ADAMTSL3: variants seen among roughly 807,000 people sequenced by gnomAD.
The protein encoded by ADAMTSL3 is ADAMTS-like protein 3.
Under a neutral mutation model 201.7 loss-of-function variants are expected in ADAMTSL3, and 128 were observed. The observed-to-expected ratio is 0.63, with a 90% CI of 0.55 to 0.73. ADAMTSL3 has a LOEUF of 0.73. Ranked by LOEUF, ADAMTSL3 falls within the 30% of genes least tolerant of loss-of-function variation. The probability of loss-of-function intolerance (pLI) is 0.00; values close to 1 mark genes in which losing one functional copy is unlikely to be tolerated. For synonymous variants in ADAMTSL3, 738 were observed against 748.4 expected (o/e 0.99, Z 0.23); for missense variants, 1,990 against 2,119.6 (o/e 0.94, Z 1.20).
In ADAMTSL3 at chr15:83,704,416, T is replaced by A. The variant is rs1734276819; in HGVS notation, c.97T>A (p.Tyr33Asn). The A allele has an allele frequency of 6.2e-7, 1 of 1,614,198 alleles. No individual in the cohort carries two copies. The highest frequency in any genetic ancestry group is 1.7e-5 in the Admixed American group (1 of 60,028). The part of the protein sequence containing the change: ...QTTAEKSPGA[Y>N]FLPEFALSPQ... The stretch of plus-strand genomic sequence containing the variant: ...CACAGCTGAGAAATCTCCTGGAGCC[T>A]ATTTCCTTCCCGAGTTTGCACTTTC... The change falls in exon 3 of 30, where the codon TAT becomes AAT. Residue 33 changes from tyrosine to asparagine, a missense_variant. Physicochemically the swap from Tyr to Asn is moderately radical, Grantham distance 143 (BLOSUM62 -2). Coordinates refer to ENST00000286744, the MANE Select transcript of ADAMTSL3 (RefSeq NM_207517.3).
chr15:83,892,398 C>T (rs1398494040), intron 12 of ADAMTSL3, among the ~76,000 whole-genome samples: 1 of 151,276 alleles, frequency 6.6e-6, no homozygotes, highest in African/African-American at 2.4e-5. Flanking sequence ...GGCGTGGTGG[C>T]GCATGCCTGT....
intron 8 of ADAMTSL3, among the ~76,000 whole-genome samples, chr15:83,868,841 A>G (rs907495777): frequency 9.9e-5 from 15 of 152,216 alleles, no homozygotes; most frequent in African/African-American, 3.6e-4. Context: ...AATAGTGGCT[A>G]GATTCTGTAT....
intron 2 of ADAMTSL3, among the ~76,000 whole-genome samples, chr15:83,677,474 T>A (rs1045361591): frequency 5.3e-5 from 8 of 152,174 alleles, no homozygotes; most frequent in Non-Finnish European, 1.0e-4. Flanking sequence ...GCATACACAT[T>A]TAGAATTCCT....
intron 9 of ADAMTSL3, among the ~76,000 whole-genome samples, chr15:83,878,073 A>G (rs1189254134): frequency 2.0e-5 from 3 of 152,136 alleles, no homozygotes; most frequent in African/African-American, 7.2e-5. Flanking sequence ...TCACCATTGT[A>G]TATGATGTTT....
chr15:83,830,188 C>G (rs1028091997), intron 6 of ADAMTSL3, among the ~76,000 whole-genome samples: 37 of 152,050 alleles, frequency 2.4e-4, no homozygotes, highest in Admixed American at 2.4e-3. Context: ...GCTGGGCGTG[C>G]CTGTCAATCT....
rs762071401 is a variant in ADAMTSL3, at chr15:83,942,888, C to A, written c.2311-15C>A. On this transcript the variant is annotated splice_polypyrimidine_tract_variant and intron_variant, in intron 18 of 29. Coordinates refer to ENST00000286744, the MANE Select transcript of ADAMTSL3 (RefSeq NM_207517.3). Reference sequence around the variant, plus strand: ...TGGGCCAAGCCTGCCGCCTCACCCCCTCTTGTCTTCTTAGTGTTCCAGGAC... The same window carrying A: ...TGGGCCAAGCCTGCCGCCTCACCCCATCTTGTCTTCTTAGTGTTCCAGGAC... 4 of 1,609,694 alleles carry A rather than the reference C, an allele frequency of 2.5e-6. No homozygotes were observed. The highest frequency in any genetic ancestry group is 1.1e-5 in the South Asian group (1 of 90,038).
In ADAMTSL3 at chr15:83,858,121, A is replaced by G. The variant is rs550133800; in HGVS notation, c.728-645A>G. Among the ~76,000 whole-genome samples the G allele has an allele frequency of 3.3e-5, 5 of 152,338 alleles. 1 individual carries two copies. The South Asian group carries it at 1.0e-3, about 32-fold the overall frequency. On this transcript the variant is annotated intron_variant, in intron 7 of 29. Transcript: ENST00000286744. ...AGCCTTATTGAGCCATATGGTCTTC[A>G]TTACTACAACTCAATTCTACCTTGA...
intron 3 of ADAMTSL3, among the ~76,000 whole-genome samples, chr15:83,716,346 C>A (rs77516963): frequency 8.0e-5 from 2 of 24,872 alleles, no homozygotes; most frequent in Admixed American, 2.6e-4. Context: ...CTACTAAAAA[C>A]ACACACACAC....
chr15:84,026,040 TG>T (rs2068299412), intron 27 of ADAMTSL3, among the ~76,000 whole-genome samples: 1 of 152,152 alleles, frequency 6.6e-6, no homozygotes, highest in Admixed American at 6.5e-5. Flanking sequence ...GGCATTCACA[TG>T]GGAGATAATA....
At chr15:83,730,231 A>G (rs887307512) in intron 3 of ADAMTSL3, among the ~76,000 whole-genome samples, 1 of 152,144 alleles carries the variant, frequency 6.6e-6, no homozygotes, top group Non-Finnish European at 1.5e-5. Flanking sequence ...CTGATGCTTA[A>G]GAAGAAACAT....
intron 2 of ADAMTSL3, among the ~76,000 whole-genome samples, chr15:83,698,177 A>G (rs936577286): frequency 6.6e-6 from 1 of 152,160 alleles, no homozygotes; most frequent in African/African-American, 2.4e-5. Context: ...GGCCACATAT[A>G]TATTTCTATT....
At chr15:83,671,805 G>C (rs1443519280) in intron 2 of ADAMTSL3, among the ~76,000 whole-genome samples, 1 of 152,150 alleles carries the variant, frequency 6.6e-6, no homozygotes, top group African/African-American at 2.4e-5. Context: ...GTCCTTAGGA[G>C]CTCTGCCAAC....
chr15:83,768,057 G>GA (rs1369099895), intron 3 of ADAMTSL3, among the ~76,000 whole-genome samples: 2 of 152,172 alleles, frequency 1.3e-5, no homozygotes, highest in Non-Finnish European at 2.9e-5. Flanking sequence ...CCAACAAGAG[G>GA]AAATTCAGTA....
intron 16 of ADAMTSL3, among the ~76,000 whole-genome samples, chr15:83,923,643 A>T (rs551875066): frequency 1.7e-4 from 26 of 152,312 alleles, no homozygotes; most frequent in African/African-American, 6.0e-4. Flanking sequence ...GATGCTCTTG[A>T]ATGTTTCAAG....
intron 3 of ADAMTSL3, among the ~76,000 whole-genome samples, chr15:83,712,249 T>C (rs2061943752): frequency 6.6e-6 from 1 of 152,236 alleles, no homozygotes; most frequent in South Asian, 2.1e-4. Context: ...TCCTGTTTTA[T>C]CCTTTGTTTA....
chr15:83,903,918 AAAAAAAAAAAAAAAAAAAAAAAAAAAG>A (rs1413843221), intron 15 of ADAMTSL3, among the ~76,000 whole-genome samples: 1,060 of 12,208 alleles, frequency 0.087, 80 homozygotes, highest in South Asian at 0.2. Flanking sequence ...ACTCCACATC[AAAAAAAAAAAAAAAAAAAAAAAAAAAG>A]AAAAAAGAAA....
At chr15:83,698,289 T>G (rs953564471) in intron 2 of ADAMTSL3, among the ~76,000 whole-genome samples, 3 of 114,548 alleles carry the variant, frequency 2.6e-5, no homozygotes, top group Non-Finnish European at 5.9e-5. Context: ...TCAACTCTTG[T>G]CCTTGACTAG....
chr15:83,821,121 G>C (rs1487506891), intron 6 of ADAMTSL3, among the ~76,000 whole-genome samples: 1 of 152,018 alleles, frequency 6.6e-6, no homozygotes, highest in Non-Finnish European at 1.5e-5. Flanking sequence ...TGTGAGACAG[G>C]GATGGCAGGG....
At chr15:84,033,724 C>T (rs990146222) in intron 28 of ADAMTSL3, among the ~76,000 whole-genome samples, 1 of 152,110 alleles carries the variant, frequency 6.6e-6, no homozygotes, top group African/African-American at 2.4e-5. Context: ...ACAGCCTCAT[C>T]CATTATCTCA....
Sources: allele counts gnomAD v4.1 joint callset (sites outside exome capture counted in the v4.1 genomes callset), GRCh38; gene constraint gnomAD v4.1.1; transcripts MANE v1.5; gene names NCBI Gene and HGNC (gene_info 2026-07-23, HGNC 2026-07-21).